The following CTDSPL variants were observed in gnomAD, a reference collection of about 807,000 sequenced individuals.
CTDSPL encodes CTD small phosphatase-like protein.
In CTDSPL, 8 loss-of-function variants were observed where a neutral mutation model predicts 30.5. The observed-to-expected ratio is 0.26, with a 90% CI of 0.15 to 0.47. CTDSPL has a LOEUF of 0.47. Ranked by LOEUF, CTDSPL falls within the 20% of genes least tolerant of loss-of-function variation. CTDSPL has a pLI of 0.99. For synonymous variants in CTDSPL, 110 were observed against 137.9 expected (o/e 0.80, Z 1.42); for missense variants, 248 against 366.1 (o/e 0.68, Z 2.63).
intron 1 of CTDSPL, among the ~76,000 whole-genome samples, chr3:37,895,288 C>T (rs1698378431): frequency 6.6e-6 from 1 of 152,182 alleles, no homozygotes; most frequent in Admixed American, 6.5e-5. Context: ...AATCGAGGCA[C>T]TACCTCAATT....
chr3:37,883,995 G>T (rs746517257), intron 1 of CTDSPL, among the ~76,000 whole-genome samples: 3 of 152,038 alleles, frequency 2.0e-5, no homozygotes, highest in East Asian at 3.8e-4. Flanking sequence ...GGTCCTTAAG[G>T]GTTTAGGGAA....
chr3:37,980,983 A>ATTCACCCTGTGGCCT lies in CTDSPL; in HGVS notation c.*116_*117insTTCACCCTGTGGCCT. The ATTCACCCTGTGGCCT allele has an allele frequency of 9.3e-6, 12 of 1,288,176 alleles. No homozygotes were observed. The highest frequency in any genetic ancestry group is 1.2e-5 in the Non-Finnish European group (12 of 964,472). The allele number at this position is 1,288,176 out of a possible 1,614,324, so 79.8% of individuals were successfully genotyped here. On this transcript the variant is annotated 3_prime_UTR_variant, in exon 8 of 8. Coordinates refer to ENST00000273179, the MANE Select transcript of CTDSPL (RefSeq NM_001008392.2). ...GAGGATACTCCGTGCTCCAGGCCAC[A>ATTCACCCTGTGGCCT]GGGTGAATGTGGCCATGCCTACCTG... is the stretch of plus-strand genomic sequence containing the variant.
At position 37,983,174 on chromosome 3, in the gene CTDSPL, G is replaced by A. The variant is rs1254861355; in HGVS notation, c.*2307G>A. The stretch of plus-strand genomic sequence containing the variant: ...ACCACGGACACAGAATGTCTGGAGA[G>A]GGCCAGCAGGCCCTCTGAGGGTTCT... On this transcript the variant is annotated 3_prime_UTR_variant, in exon 8 of 8. Transcript: ENST00000273179. The A allele has an allele frequency of 6.6e-6, 1 of 152,512 alleles. No individual in the cohort carries two copies. Among genetic ancestry groups the A allele is most frequent in the African/African-American group, 2.4e-5 (1 of 41,440 alleles). 9.4% of individuals were successfully genotyped at this position (152,512 alleles called of 1,614,324 possible).
intron 1 of CTDSPL, among the ~76,000 whole-genome samples, 184 bp from the exon 2 acceptor site, chr3:37,946,873 C>T (rs2125622367): frequency 6.6e-6 from 1 of 152,302 alleles, no homozygotes; most frequent in Non-Finnish European, 1.5e-5. Flanking sequence ...TCCTGGGATT[C>T]TCACATTTGA....
At position 37,982,164 on chromosome 3, in the gene CTDSPL, CA is replaced by C; in HGVS notation, c.*1299del. On this transcript the variant is annotated 3_prime_UTR_variant, in exon 8 of 8. Transcript: ENST00000273179. ...GTTCTCTCTTGAGAACCTGTGGCCT[CA>C]ACCAGCCACCAAGCTGATGTGGCCC... 6.4e-6 allele frequency: 2 copies of C among 313,028 alleles called. No individual in the cohort carries two copies. Among genetic ancestry groups the C allele is most frequent in the East Asian group, 1.7e-4 (2 of 11,858 alleles). The allele number at this position is 313,028 out of a possible 1,614,324, so 19.4% of individuals were successfully genotyped here.
At chr3:37,869,883 C>A (rs1698053558) in intron 1 of CTDSPL, among the ~76,000 whole-genome samples, 1 of 152,038 alleles carries the variant, frequency 6.6e-6, no homozygotes. Context: ...GATTTTTCTC[C>A]TTTAGTCTGT....
intron 1 of CTDSPL, among the ~76,000 whole-genome samples, chr3:37,896,229 T>C (rs2125599000): frequency 6.6e-6 from 1 of 152,294 alleles, no homozygotes; most frequent in Non-Finnish European, 1.5e-5. Flanking sequence ...TGATACATCC[T>C]CTAAGAGAGG....
intron 1 of CTDSPL, among the ~76,000 whole-genome samples, chr3:37,934,937 G>A (rs188218708): frequency 6.6e-6 from 1 of 151,710 alleles, no homozygotes; most frequent in Non-Finnish European, 1.5e-5. Flanking sequence ...TAAGGTCCCT[G>A]TACCCCTGGA....
chr3:37,865,364 A>T (rs893743729), intron 1 of CTDSPL, among the ~76,000 whole-genome samples: 2 of 152,184 alleles, frequency 1.3e-5, no homozygotes, highest in African/African-American at 4.8e-5. Context: ...AAATATATGA[A>T]ATTGTGCTCT....
intron 1 of CTDSPL, among the ~76,000 whole-genome samples, chr3:37,939,735 G>A (rs944674246): frequency 1.3e-5 from 2 of 149,960 alleles, no homozygotes; most frequent in Non-Finnish European, 3.0e-5. Flanking sequence ...TTTACACATT[G>A]CTGTTTCACC....
intron 1 of CTDSPL, among the ~76,000 whole-genome samples, chr3:37,892,691 C>G (rs1402428004): frequency 6.6e-6 from 1 of 152,072 alleles, no homozygotes; most frequent in East Asian, 1.9e-4. Context: ...TCCAAAGCCA[C>G]GTGACCATAA....
chr3:37,975,268 G>A lies in CTDSPL; in HGVS notation c.520-441G>A, dbSNP rs573715938. On this transcript the variant is annotated intron_variant, in intron 6 of 7. Transcript: ENST00000273179. The surrounding 1 kb of genome is among the most constrained non-coding windows in gnomAD (Gnocchi z 4.9). ...GGAACGTGGGCCTTACTCCAAGTGC[G>A]GTGTGTAGACAGTGGAGAGTTTTCA... 4.6e-5 allele frequency among the ~76,000 whole-genome samples: 7 copies of A among 152,310 alleles called. No individual in the cohort carries two copies. In the East Asian group the frequency reaches 5.8e-4, roughly 13 times the overall value.
intron 5 of CTDSPL, 121 bp from the exon 6 acceptor site, chr3:37,971,286 T>C: frequency 1.2e-6 from 1 of 810,580 alleles, no homozygotes; most frequent in Non-Finnish European, 2.0e-6. Context: ...CTGCTATGCA[T>C]AGACCTGGGG....
chr3:37,900,464 C>T (rs1698436346), intron 1 of CTDSPL, among the ~76,000 whole-genome samples: 1 of 151,958 alleles, frequency 6.6e-6, no homozygotes, highest in Admixed American at 6.6e-5. Context: ...TCTATTGATA[C>T]AAAGATTTGA....
At chr3:37,959,970 G>A (rs867779677) in intron 3 of CTDSPL, among the ~76,000 whole-genome samples, 1 of 152,208 alleles carries the variant, frequency 6.6e-6, no homozygotes, top group African/African-American at 2.4e-5. Flanking sequence ...TGGAGAGGCC[G>A]AGGAGGGCAG....
At chr3:37,889,231 G>C (rs963043205) in intron 1 of CTDSPL, among the ~76,000 whole-genome samples, 1 of 152,088 alleles carries the variant, frequency 6.6e-6, no homozygotes, top group Non-Finnish European at 1.5e-5. Context: ...ACACTGTGCC[G>C]TAGAGGGAGG....
At chr3:37,958,691 T>C (rs766516762) in intron 3 of CTDSPL, among the ~76,000 whole-genome samples, 2 of 152,212 alleles carry the variant, frequency 1.3e-5, no homozygotes, top group Non-Finnish European at 2.9e-5. Context: ...CTTATGTAAT[T>C]GATCCTACTG....
chr3:37,862,416 G>C lies in CTDSPL; in HGVS notation c.79+138G>C, dbSNP rs1183902338. ...GGGTGCGTGGGTGTGGGGTGCGCCCGGAGGAGAGCGAGGCTGCCAGAGTGC... is the reference window on the plus strand; with the variant it reads ...GGGTGCGTGGGTGTGGGGTGCGCCCCGAGGAGAGCGAGGCTGCCAGAGTGC... On this transcript the variant is annotated intron_variant, in intron 1 of 7. Coordinates refer to ENST00000273179, the MANE Select transcript of CTDSPL (RefSeq NM_001008392.2). This position sits in a 1 kb window ranked among gnomAD's most constrained non-coding sequence, Gnocchi z 4.3. The C allele has an allele frequency of 3.3e-6, 2 of 602,148 alleles. No individual in the cohort carries two copies. The highest frequency in any genetic ancestry group is 7.4e-5 in the South Asian group (2 of 27,002). 37.3% of individuals were successfully genotyped at this position (602,148 alleles called of 1,614,324 possible).
At chr3:37,921,263 A>G (rs1268123844) in intron 1 of CTDSPL, among the ~76,000 whole-genome samples, 1 of 152,190 alleles carries the variant, frequency 6.6e-6, no homozygotes, top group Non-Finnish European at 1.5e-5. Flanking sequence ...TGGAGACTGG[A>G]TGGTGTCCCA....
Sources: allele counts gnomAD v4.1 joint callset (sites outside exome capture counted in the v4.1 genomes callset), GRCh38; gene constraint gnomAD v4.1.1; non-coding constraint Gnocchi (gnomAD v3.1); transcripts MANE v1.5; gene names NCBI Gene and HGNC (gene_info 2026-07-23, HGNC 2026-07-21).